The following ANXA13 variants were observed in gnomAD, a reference collection of about 807,000 sequenced individuals.
ANXA13 encodes annexin A13.
ANXA13 carries 36 observed loss-of-function variants against 46.6 expected under a neutral mutation model. The ratio of observed to expected loss-of-function variants is 0.77; its 90% CI spans 0.59 to 1.02. The LOEUF is 1.02. Among genes scored for constraint, ANXA13 ranks in the 50% least tolerant of loss-of-function variants. ANXA13 has a pLI of 0.00. For synonymous variants in ANXA13, 163 were observed against 152.9 expected (o/e 1.07, Z -0.49); for missense variants, 417 against 396.5 (o/e 1.05, Z -0.44).
intron 4 of ANXA13, among the ~76,000 whole-genome samples, chr8:123,698,054 G>T (rs1813375256): frequency 6.6e-6 from 1 of 152,210 alleles, no homozygotes; most frequent in Non-Finnish European, 1.5e-5. Flanking sequence ...TGGGCTGCTT[G>T]TTGATTTTTC....
chr8:123,715,090 T>C (rs1813736700), intron 1 of ANXA13, among the ~76,000 whole-genome samples: 1 of 152,206 alleles, frequency 6.6e-6, no homozygotes, highest in Non-Finnish European at 1.5e-5. Context: ...AAATCTTTTG[T>C]GAGATGTAAG....
At chr8:123,683,723 A>G (rs1457048998) in intron 10 of ANXA13, among the ~76,000 whole-genome samples, 1 of 151,566 alleles carries the variant, frequency 6.6e-6, no homozygotes, top group Admixed American at 6.6e-5. Flanking sequence ...AGTAGCTGGG[A>G]CTACAAGTGT....
intron 1 of ANXA13, among the ~76,000 whole-genome samples, chr8:123,725,819 C>G (rs1270611897): frequency 6.6e-6 from 1 of 152,182 alleles, no homozygotes; most frequent in Non-Finnish European, 1.5e-5. Flanking sequence ...TTCCTTCATG[C>G]CTAGAACCTC....
chr8:123,732,674 T>A (rs1212228730), intron 1 of ANXA13, among the ~76,000 whole-genome samples: 1 of 150,566 alleles, frequency 6.6e-6, no homozygotes, highest in Non-Finnish European at 1.5e-5. Context: ...GCTGGTTTGT[T>A]TTTTTTTTTT....
In ANXA13 at chr8:123,681,179, A is replaced by C; in HGVS notation, c.*61T>G. 6.6e-7 allele frequency: 1 copy of C among 1,524,882 alleles called. No individual in the cohort carries two copies. 94.5% of individuals were successfully genotyped at this position (1,524,882 alleles called of 1,614,324 possible). A position where few individuals can be genotyped will look rare whatever the true frequency, so the allele number is the denominator to read the frequency against. ...TGCGGGAGTCTCATTTGCAAGTTTG[A>C]TTTGGAATGTGCTCTTGACAAAGGC... On this transcript the variant is annotated 3_prime_UTR_variant, in exon 11 of 11. Transcript: ENST00000419625.
intron 4 of ANXA13, 130 bp downstream of exon 4, chr8:123,698,259 C>T: frequency 1.0e-6 from 1 of 973,048 alleles, no homozygotes; most frequent in Non-Finnish European, 1.5e-6. Flanking sequence ...ATGGACCAAG[C>T]ACACATATGT....
At chr8:123,711,120 C>G (rs1382241255) in intron 2 of ANXA13, among the ~76,000 whole-genome samples, 2 of 152,168 alleles carry the variant, frequency 1.3e-5, no homozygotes, top group African/African-American at 4.8e-5. Flanking sequence ...TCGTCTCCCC[C>G]TTCTCTGCTA....
intron 1 of ANXA13, among the ~76,000 whole-genome samples, chr8:123,719,578 G>T (rs1298919013): frequency 1.3e-5 from 2 of 152,168 alleles, no homozygotes; most frequent in Non-Finnish European, 2.9e-5. Flanking sequence ...TGACATTTGT[G>T]CTGGTTCTCA....
rs1027354866 is a variant in ANXA13, at chr8:123,705,239, T to C, written c.92-2503A>G. Among the ~76,000 whole-genome samples the C allele has an allele frequency of 3.3e-5, 5 of 152,320 alleles. No homozygotes were observed. The East Asian group carries it at 9.6e-4, about 29-fold the overall frequency. On this transcript the variant is annotated intron_variant, in intron 2 of 10. Transcript: ENST00000419625. ...CCTTCTGTCACTGCCTAACAGGTCCTAAGTGTTTTTAGCCTTCACCCCGAT... is the reference window on the plus strand; with the variant it reads ...CCTTCTGTCACTGCCTAACAGGTCCCAAGTGTTTTTAGCCTTCACCCCGAT...
intron 1 of ANXA13, among the ~76,000 whole-genome samples, chr8:123,715,211 T>C (rs1813738430): frequency 6.6e-6 from 1 of 152,166 alleles, no homozygotes; most frequent in South Asian, 2.1e-4. Flanking sequence ...ACCAAGAATT[T>C]CAATATGGTA....
At chr8:123,684,891 TG>T (rs1396242330) in intron 9 of ANXA13, among the ~76,000 whole-genome samples, 169 bp from the exon 10 acceptor site, 1 of 152,330 alleles carries the variant, frequency 6.6e-6, no homozygotes, top group East Asian at 1.9e-4. Context: ...GAAGATTCCC[TG>T]GTCAGAGCAC....
At chr8:123,700,459 C>T (rs4581037) in intron 3 of ANXA13, among the ~76,000 whole-genome samples, 57,959 of 152,050 alleles carry the variant, frequency 0.38, 11,427 homozygotes, top group South Asian at 0.51. Flanking sequence ...TTGGATCATA[C>T]CTAACATCTT....
rs554232926 is a variant in ANXA13, at chr8:123,725,697, G to GTT, written c.15+11621_15+11622dup. ...AAAAATATATTTGGCAGTATACCCT[G>GTT]TTGGGTATATTTAAGCACAGTTTGA... On this transcript the variant is annotated intron_variant, in intron 1 of 10. Coordinates refer to ENST00000419625, the MANE Select transcript of ANXA13 (RefSeq NM_004306.4). Among the ~76,000 whole-genome samples the GTT allele has an allele frequency of 3.1e-3, 468 of 152,308 alleles. 4 individuals are homozygous for GTT. The highest frequency in any genetic ancestry group is 0.011 in the African/African-American group (450 of 41,572).
At chr8:123,734,768 T>C (rs1814217454) in intron 1 of ANXA13, among the ~76,000 whole-genome samples, 1 of 149,126 alleles carries the variant, frequency 6.7e-6, no homozygotes, top group Non-Finnish European at 1.5e-5. Flanking sequence ...TAAAAATTAA[T>C]ATAAAGCATC....
At chr8:123,705,224 C>T (rs1461941546) in intron 2 of ANXA13, among the ~76,000 whole-genome samples, 1 of 152,214 alleles carries the variant, frequency 6.6e-6, no homozygotes, top group East Asian at 1.9e-4. Flanking sequence ...CCTTCTGTCA[C>T]TGCCTAACAG....
At chr8:123,708,691 T>A (rs1813594004) in intron 2 of ANXA13, among the ~76,000 whole-genome samples, 1 of 152,150 alleles carries the variant, frequency 6.6e-6, no homozygotes. Context: ...GACCACAAAC[T>A]TGATAGCTTA....
chr8:123,699,705 T>C (rs555245365), intron 3 of ANXA13, among the ~76,000 whole-genome samples: 11 of 152,310 alleles, frequency 7.2e-5, no homozygotes, highest in African/African-American at 2.4e-4. Context: ...TGGAGGCCCA[T>C]AGACAAGCTG....
intron 9 of ANXA13, among the ~76,000 whole-genome samples, chr8:123,687,998 C>G (rs1309477767): frequency 6.6e-6 from 1 of 152,170 alleles, no homozygotes; most frequent in Non-Finnish European, 1.5e-5. Flanking sequence ...TGAAAGGAAC[C>G]AAATGGAAAA....
At chr8:123,706,914 T>A (rs768243321) in intron 2 of ANXA13, among the ~76,000 whole-genome samples, 55 of 152,360 alleles carry the variant, frequency 3.6e-4, no homozygotes, top group Non-Finnish European at 7.2e-4. Context: ...TTGCATGGGC[T>A]GTTCCCCTCA....
Sources: allele counts gnomAD v4.1 joint callset (sites outside exome capture counted in the v4.1 genomes callset), GRCh38; gene constraint gnomAD v4.1.1; transcripts MANE v1.5; gene names NCBI Gene and HGNC (gene_info 2026-07-23, HGNC 2026-07-21).